The following SH3PXD2B variants were observed in gnomAD, a reference collection of about 807,000 sequenced individuals.
The protein encoded by SH3PXD2B is SH3 and PX domain-containing protein 2B.
Under a neutral mutation model 73.1 loss-of-function variants are expected in SH3PXD2B, and 37 were observed. The observed-to-expected ratio is 0.51, with a 90% CI of 0.39 to 0.67. The LOEUF is 0.67. Ranked by LOEUF, SH3PXD2B falls within the 30% of genes least tolerant of loss-of-function variation. The pLI, the probability that SH3PXD2B is intolerant of heterozygous loss-of-function variation, is 0.00. For missense variants in SH3PXD2B, 1,053 were observed against 1,197.8 expected, an observed-to-expected ratio of 0.88 and a Z score of 1.78; for synonymous variants, 457 against 480.5, an observed-to-expected ratio of 0.95 and a Z score of 0.64.
chr5:172,441,380 G>A (rs1367728398), intron 1 of SH3PXD2B, among the ~76,000 whole-genome samples: 2 of 152,208 alleles, frequency 1.3e-5, no homozygotes, highest in Non-Finnish European at 1.5e-5. Flanking sequence ...CCAGCAGGGC[G>A]TTATCACATG....
intron 1 of SH3PXD2B, among the ~76,000 whole-genome samples, chr5:172,439,692 G>GCCCACA (rs1554087696): frequency 7.2e-6 from 1 of 138,542 alleles, no homozygotes; most frequent in African/African-American, 2.8e-5. Context: ...GCACGCGCGC[G>GCCCACA]CACACACACA....
chr5:172,422,754 G>A (rs1424193086), intron 1 of SH3PXD2B, among the ~76,000 whole-genome samples: 1 of 152,216 alleles, frequency 6.6e-6, no homozygotes, highest in Non-Finnish European at 1.5e-5. Flanking sequence ...ATCAGCTCAG[G>A]AGAAGCTGCT....
At position 172,382,071 on chromosome 5, in the gene SH3PXD2B, A is replaced by G. The variant is rs1417417409; in HGVS notation, c.366T>C (p.Phe122=). 6 of 1,612,250 alleles carry G rather than the reference A, an allele frequency of 3.7e-6. No individual in the cohort carries two copies. The East Asian group carries it at 8.9e-5, about 24-fold the overall frequency. The change falls in exon 5 of 13, where the codon TTT becomes TTC. Residue 122 remains phenylalanine (F), a synonymous_variant. Coordinates refer to ENST00000311601, the MANE Select transcript of SH3PXD2B (RefSeq NM_001017995.3). ...ISQCDEVLQF[F]ETRPEDLNPP... ...GATTCAGGTCCTCAGGTCTTGTCTC[A>G]AAGAACTGCAGCACCTCATCACACT...
At chr5:172,422,553 T>G in intron 1 of SH3PXD2B, 57 bp from the exon 2 acceptor site, 2 of 1,517,600 alleles carry the variant, frequency 1.3e-6, no homozygotes, top group Non-Finnish European at 1.8e-6. Flanking sequence ...TCCCAATCTC[T>G]GGGACCCAGG....
chr5:172,364,004 T>C (rs1448441531), intron 6 of SH3PXD2B, among the ~76,000 whole-genome samples: 1 of 152,090 alleles, frequency 6.6e-6, no homozygotes, highest in East Asian at 1.9e-4. Flanking sequence ...ACCAGGGCAG[T>C]GGCAGTAGGA....
At chr5:172,449,071 C>G (rs892302063) in intron 1 of SH3PXD2B, among the ~76,000 whole-genome samples, 2 of 152,212 alleles carry the variant, frequency 1.3e-5, no homozygotes, top group African/African-American at 2.4e-5. Context: ...ACAGTGACCC[C>G]TAGGCTTCTG....
intron 1 of SH3PXD2B, among the ~76,000 whole-genome samples, chr5:172,437,848 CT>C (rs561214249): frequency 7.9e-4 from 121 of 152,274 alleles, no homozygotes; most frequent in African/African-American, 2.8e-3. Context: ...CCGCTTATCC[CT>C]GTGTGCAGAG....
chr5:172,383,622 T>C (rs1033693139), intron 4 of SH3PXD2B, among the ~76,000 whole-genome samples: 6 of 152,198 alleles, frequency 3.9e-5, no homozygotes, highest in Admixed American at 3.9e-4. Flanking sequence ...CGCATACATT[T>C]TGTTGCACAC....
intron 3 of SH3PXD2B, among the ~76,000 whole-genome samples, chr5:172,404,693 G>A (rs1758512667): frequency 6.6e-6 from 1 of 152,162 alleles, no homozygotes; most frequent in Admixed American, 6.5e-5. Context: ...CATAGTAAGT[G>A]CTTGATAGCT....
intron 1 of SH3PXD2B, among the ~76,000 whole-genome samples, chr5:172,442,007 C>T (rs1224105135): frequency 6.6e-6 from 1 of 152,200 alleles, no homozygotes. Context: ...TGCCATCCTA[C>T]ACTGTCCTCT....
chr5:172,341,804 C>T (rs1299913783), intron 12 of SH3PXD2B, among the ~76,000 whole-genome samples: 1 of 152,024 alleles, frequency 6.6e-6, no homozygotes, highest in African/African-American at 2.4e-5. Context: ...GCGCCTGCCA[C>T]CGTGCCCGGC....
intron 4 of SH3PXD2B, among the ~76,000 whole-genome samples, chr5:172,389,616 C>T (rs1303718684): frequency 1.3e-5 from 2 of 150,212 alleles, no homozygotes; most frequent in Non-Finnish European, 3.0e-5. Context: ...GTTCCAGCTA[C>T]TCAGGAGGCT....
At chr5:172,429,861 T>A (rs1759191089) in intron 1 of SH3PXD2B, among the ~76,000 whole-genome samples, 1 of 152,200 alleles carries the variant, frequency 6.6e-6, no homozygotes, top group South Asian at 2.1e-4. Context: ...CCAGCTTGGC[T>A]GCAGCTGGAG....
intron 10 of SH3PXD2B, among the ~76,000 whole-genome samples, chr5:172,348,877 A>C (rs1757089357): frequency 1.3e-5 from 2 of 151,866 alleles, no homozygotes; most frequent in South Asian, 4.2e-4. Flanking sequence ...CAGCTAATTA[A>C]AAAAAATTTT....
chr5:172,337,008 A>C lies in SH3PXD2B; in HGVS notation c.*1361T>G. ...CCTCCCTATGGGACCGCTGCATGCT[A>C]TGCTCAGAGCCCTCCAGGCTGGCCC... On this transcript the variant is annotated 3_prime_UTR_variant, in exon 13 of 13. Transcript: ENST00000311601. The C allele has an allele frequency of 1.0e-6, 1 of 985,518 alleles. No individual in the cohort carries two copies. The highest frequency in any genetic ancestry group is 1.2e-6 in the Non-Finnish European group (1 of 829,994). 61.0% of individuals were successfully genotyped at this position (985,518 alleles called of 1,614,324 possible).
intron 4 of SH3PXD2B, among the ~76,000 whole-genome samples, chr5:172,387,205 A>C (rs776285869): frequency 6.6e-6 from 1 of 152,180 alleles, no homozygotes; most frequent in Non-Finnish European, 1.5e-5. Flanking sequence ...ACAAGTGTGT[A>C]TGTTTGCATG....
rs1174040018 is a variant in SH3PXD2B, at chr5:172,336,807, T to A, written c.*1562A>T. 3.0e-6 allele frequency: 3 copies of A among 985,472 alleles called. No individual in the cohort carries two copies. The highest frequency in any genetic ancestry group is 3.6e-6 in the Non-Finnish European group (3 of 830,114). 61.0% of individuals were successfully genotyped at this position (985,472 alleles called of 1,614,324 possible). A position where few individuals can be genotyped will look rare whatever the true frequency, so the allele number is the denominator to read the frequency against. On this transcript the variant is annotated 3_prime_UTR_variant, in exon 13 of 13. Coordinates refer to ENST00000311601, the MANE Select transcript of SH3PXD2B (RefSeq NM_001017995.3). ...GGAGCTAGAAATGCTGGGTCCTGAT[T>A]TTGCTTCTGCAGTGATTTAGTCATG...
chr5:172,352,764 A>G (rs1757184912), intron 9 of SH3PXD2B, among the ~76,000 whole-genome samples: 1 of 152,188 alleles, frequency 6.6e-6, no homozygotes, highest in Admixed American at 6.5e-5. Context: ...CTATGTAAGA[A>G]ATGCTTTTCA....
At chr5:172,398,309 A>C (rs1251345469) in intron 3 of SH3PXD2B, among the ~76,000 whole-genome samples, 1 of 152,188 alleles carries the variant, frequency 6.6e-6, no homozygotes, top group Non-Finnish European at 1.5e-5. Flanking sequence ...TTGGATTGTG[A>C]AAAATTTGCT....
Sources: allele counts gnomAD v4.1 joint callset (sites outside exome capture counted in the v4.1 genomes callset), GRCh38; gene constraint gnomAD v4.1.1; transcripts MANE v1.5; gene names NCBI Gene and HGNC (gene_info 2026-07-23, HGNC 2026-07-21).